Variants in SPIDR observed in about 807,000 individuals in gnomAD.
SPIDR encodes the protein DNA repair-scaffolding protein.
A neutral mutation model predicts 104.6 loss-of-function variants in SPIDR; 93 were observed. The observed-to-expected ratio is 0.89, with a 90% CI of 0.75 to 1.06. The LOEUF (loss-of-function observed/expected upper bound fraction) is 1.06. Among genes scored for constraint, SPIDR ranks in the 50% least tolerant of loss-of-function variants. SPIDR has a pLI of 0.00. For synonymous variants in SPIDR, 431 were observed against 416.9 expected (o/e 1.03, Z -0.41); for missense variants, 1,154 against 1,111.2 (o/e 1.04, Z -0.55).
At chr8:47,391,073 A>G (rs962488535) in intron 5 of SPIDR, among the ~76,000 whole-genome samples, 3 of 152,132 alleles carry the variant, frequency 2.0e-5, no homozygotes, top group African/African-American at 7.2e-5. Context: ...TTAGGCCAAG[A>G]CAGCTGGTGT....
chr8:47,321,073 G>A (rs1010642318), intron 5 of SPIDR, among the ~76,000 whole-genome samples: 7 of 152,058 alleles, frequency 4.6e-5, no homozygotes, highest in East Asian at 1.9e-4. Context: ...TATTCAACAT[G>A]GTGTTGGAAG....
chr8:47,285,544 G>A (rs1554562543), intron 3 of SPIDR, among the ~76,000 whole-genome samples: 57 of 152,222 alleles, frequency 3.7e-4, no homozygotes, highest in Non-Finnish European at 7.8e-4. Context: ...TTTGTTAATA[G>A]GATGTCTTAA....
chr8:47,376,703 A>G (rs1450203248), intron 5 of SPIDR, among the ~76,000 whole-genome samples: 2 of 152,164 alleles, frequency 1.3e-5, no homozygotes, highest in South Asian at 2.1e-4. Flanking sequence ...CTATACTTGT[A>G]GTGTAGGTCA....
At chr8:47,280,464 C>G (rs1253388561) in intron 2 of SPIDR, among the ~76,000 whole-genome samples, 1 of 150,008 alleles carries the variant, frequency 6.7e-6, no homozygotes, top group Non-Finnish European at 1.5e-5. Flanking sequence ...GCTATGTTGG[C>G]TCGCTGCAAC....
At chr8:47,701,586 C>T (rs1457276635) in intron 12 of SPIDR, 135 bp from the exon 13 acceptor site, 1 of 794,888 alleles carries the variant, frequency 1.3e-6, no homozygotes, top group Non-Finnish European at 2.0e-6. Flanking sequence ...CAATCCATTC[C>T]TTGTATAGCA....
At chr8:47,341,023 A>G (rs1419586955) in intron 5 of SPIDR, among the ~76,000 whole-genome samples, 1 of 152,158 alleles carries the variant, frequency 6.6e-6, no homozygotes, top group Non-Finnish European at 1.5e-5. Context: ...ACCTGAATGG[A>G]CTGTGGGAGC....
At chr8:47,383,854 A>G (rs1296648113) in intron 5 of SPIDR, among the ~76,000 whole-genome samples, 1 of 152,140 alleles carries the variant, frequency 6.6e-6, no homozygotes, top group Non-Finnish European at 1.5e-5. Flanking sequence ...TGGGCTTGCC[A>G]TTTTGATTAT....
intron 6 of SPIDR, among the ~76,000 whole-genome samples, chr8:47,401,056 G>T (rs550330679): frequency 7.2e-5 from 11 of 152,200 alleles, no homozygotes; most frequent in African/African-American, 2.6e-4. Context: ...AGGTTGAAAT[G>T]GAGGAAGAAA....
chr8:47,660,654 T>C (rs959544042), intron 10 of SPIDR: 2 of 360,472 alleles, frequency 5.5e-6, no homozygotes, highest in Non-Finnish European at 7.7e-6. Flanking sequence ...TGTATTGCTT[T>C]ACCCACAGTG....
At chr8:47,462,715 AAAT>A (rs2074142409) in intron 8 of SPIDR, among the ~76,000 whole-genome samples, 1 of 152,206 alleles carries the variant, frequency 6.6e-6, no homozygotes, top group South Asian at 2.1e-4. Flanking sequence ...AGGATGGAAA[AAAT>A]AAAGATTAGA....
At chr8:47,679,769 T>C (rs1336687733) in intron 11 of SPIDR, among the ~76,000 whole-genome samples, 1 of 152,254 alleles carries the variant, frequency 6.6e-6, no homozygotes, top group Non-Finnish European at 1.5e-5. Flanking sequence ...GGTGTGTCAA[T>C]TGCATGCCCA....
intron 6 of SPIDR, among the ~76,000 whole-genome samples, chr8:47,399,729 G>A (rs971859637): frequency 5.9e-5 from 9 of 152,208 alleles, no homozygotes; most frequent in Non-Finnish European, 1.0e-4. Flanking sequence ...CAGGAGTTCC[G>A]AGAGTAGCAA....
In SPIDR at chr8:47,407,940, T is replaced by C. The variant is rs2062975413; in HGVS notation, c.856T>C (p.Ser286Pro). ...AISLWRHQCISYQKTLSGRKS... is the reference protein window; with the variant it reads ...AISLWRHQCIPYQKTLSGRKS... ...TTCTTTGTGGAGACATCAATGTATT[T>C]CTTACCAAAAGACACTTTCAGGTAA... The change falls in exon 7 of 20, where the codon TCT (serine) becomes CCT (proline). Residue 286 changes from serine to proline, a missense_variant. Physicochemically the swap from Ser to Pro is moderately conservative, Grantham distance 74. Transcript: ENST00000297423. The C allele has an allele frequency of 3.1e-6, 5 of 1,589,346 alleles. No homozygotes were observed. Among genetic ancestry groups the C allele is most frequent in the South Asian group, 1.1e-5 (1 of 87,644 alleles).
At chr8:47,281,777 G>C (rs948942409) in intron 2 of SPIDR, among the ~76,000 whole-genome samples, 47 of 152,290 alleles carry the variant, frequency 3.1e-4, no homozygotes, top group Non-Finnish European at 6.2e-4. Context: ...TTGACCTTCT[G>C]TCATGAATCA....
chr8:47,550,778 T>A (rs571790993), intron 8 of SPIDR, among the ~76,000 whole-genome samples: 1 of 152,348 alleles, frequency 6.6e-6, no homozygotes, highest in African/African-American at 2.4e-5. Context: ...CTTTCCTGAT[T>A]GCCCTGGCCA....
At chr8:47,336,577 A>T (rs2049796203) in intron 5 of SPIDR, among the ~76,000 whole-genome samples, 1 of 152,192 alleles carries the variant, frequency 6.6e-6, no homozygotes, top group Non-Finnish European at 1.5e-5. Context: ...CATTGTTTGG[A>T]TGTGGTGATC....
intron 7 of SPIDR, among the ~76,000 whole-genome samples, chr8:47,425,995 A>G (rs2066346412): frequency 1.3e-5 from 2 of 152,162 alleles, no homozygotes; most frequent in Admixed American, 1.3e-4. Context: ...CTGTAATCCC[A>G]GCACTTTGGG....
rs374331327 is a variant in SPIDR at position 47,429,372 on chromosome 8, G to A, written c.878-10951G>A. Among the ~76,000 whole-genome samples, 4 of 151,958 alleles carry A rather than the reference G, an allele frequency of 2.6e-5. No individual in the cohort carries two copies. In the South Asian group the frequency reaches 8.3e-4, roughly 32 times the overall value. On this transcript the variant is annotated intron_variant, in intron 7 of 19. Coordinates refer to ENST00000297423, the MANE Select transcript of SPIDR (RefSeq NM_001080394.4). ...CCCCTTTCTGTGGCCCCCCACCTCC[G>A]TGTGCACAGCACGCAATATCTCCAT...
At chr8:47,420,407 A>T (rs574492386) in intron 7 of SPIDR, among the ~76,000 whole-genome samples, 2 of 152,052 alleles carry the variant, frequency 1.3e-5, no homozygotes, top group Admixed American at 6.5e-5. Context: ...GTTGGTTTAA[A>T]GTCTGTTTTA....
Sources: gnomAD v4.1 joint callset for allele counts (sites outside exome capture counted in the v4.1 genomes callset) on GRCh38, gnomAD v4.1.1 for gene constraint, MANE v1.5 for transcripts, NCBI Gene and HGNC (gene_info 2026-07-23, HGNC 2026-07-21) for gene names.